The following BRF1 variants were observed in gnomAD, a reference collection of about 807,000 sequenced individuals.
BRF1 encodes the protein BRF1 general transcription factor IIIB subunit, also known as transcription factor IIIB 90 kDa subunit.
Under a neutral mutation model 81.7 loss-of-function variants are expected in BRF1, and 59 were observed. That is an observed-to-expected ratio of 0.72 (90% CI 0.59 to 0.90). The LOEUF is 0.90. Among genes scored for constraint, BRF1 ranks in the 40% least tolerant of loss-of-function variants. BRF1 has a pLI of 0.00. For synonymous variants in BRF1, 491 were observed against 395.6 expected (o/e 1.24, Z -2.86); for missense variants, 1,050 against 936.3 (o/e 1.12, Z -1.58).
upstream of BRF1, chr14:105,301,018 A>C (rs1007841531): frequency 6.7e-6 from 1 of 149,766 alleles, no homozygotes; most frequent in African/African-American, 2.5e-5. Flanking sequence ...GGGCGGGGCC[A>C]CGGCGGTGAG....
chr14:105,293,229 A>T (rs1270457467), intron 1 of BRF1, among the ~76,000 whole-genome samples: 2 of 152,176 alleles, frequency 1.3e-5, no homozygotes, highest in East Asian at 3.9e-4. Flanking sequence ...GGAGCTTCCC[A>T]GCAGGCGAGG....
At chr14:105,256,181 C>T (rs2055855964) in intron 4 of BRF1, 4 of 1,525,366 alleles carry the variant, frequency 2.6e-6, no homozygotes, top group Non-Finnish European at 3.5e-6. Context: ...CTATACCAAA[C>T]TAGGTACTCA....
chr14:105,229,168 T>C (rs887248744), intron 6 of BRF1, among the ~76,000 whole-genome samples: 2 of 152,148 alleles, frequency 1.3e-5, no homozygotes, highest in African/African-American at 2.4e-5. Flanking sequence ...TCCGAGAGCT[T>C]CACGTAATCC....
At chr14:105,228,987 C>A (rs112359070) in intron 6 of BRF1, 74 bp from the exon 7 acceptor site, 19,343 of 1,346,102 alleles carry the variant, frequency 0.014, 157 homozygotes, top group Middle Eastern at 0.02. Flanking sequence ...CCCAGGACAA[C>A]ACTGCGGATC....
intron 7 of BRF1, 60 bp downstream of exon 7, chr14:105,228,760 C>A (rs892186383): frequency 1.9e-6 from 3 of 1,589,958 alleles, no homozygotes; most frequent in Admixed American, 1.7e-5. Context: ...GGCAAGCAGG[C>A]CTGAGCTGGA....
rs988275433 is a variant in BRF1 at position 105,248,943 on chromosome 14, G to C, written c.544+3564C>G. On this transcript the variant is annotated intron_variant, in intron 5 of 17. Coordinates refer to ENST00000547530, the MANE Select transcript of BRF1 (RefSeq NM_001519.4). ...AGCCAACAGCAACGCCGGCGCCGCC[G>C]TGGGCAGGAAGGCCGGGCCGCGCAG... 1.1e-5 allele frequency: 11 copies of C among 984,100 alleles called. No homozygotes were observed. In the African/African-American group the frequency reaches 1.6e-4, roughly 14 times the overall value. 61.0% of individuals were successfully genotyped at this position (984,100 alleles called of 1,614,324 possible).
At chr14:105,211,007 G>A (rs894819386) in intron 17 of BRF1, 115 bp downstream of exon 17, 5 of 1,489,872 alleles carry the variant, frequency 3.4e-6, no homozygotes, top group African/African-American at 2.8e-5. Flanking sequence ...TTTCTTTCCA[G>A]GGAGAAACAG....
intron 5 of BRF1, chr14:105,250,094 G>T: frequency 6.2e-7 from 1 of 1,612,948 alleles, no homozygotes; most frequent in Non-Finnish European, 8.5e-7. Context: ...AGAGGAGTTT[G>T]CCAACGGCGC....
Position 105,210,514 on chromosome 14 carries a change from CCCCCTGCCAGGA to C in BRF1, c.*25_*36del. 6.2e-7 allele frequency: 1 copy of C among 1,607,776 alleles called. No individual in the cohort carries two copies. Among genetic ancestry groups the C allele is most frequent in the Non-Finnish European group, 8.5e-7 (1 of 1,179,304 alleles). On this transcript the variant is annotated 3_prime_UTR_variant, in exon 18 of 18. Transcript: ENST00000547530. The surrounding 1 kb of genome is among the most constrained non-coding windows in gnomAD (Gnocchi z 4.7). The stretch of plus-strand genomic sequence containing the variant: ...TCTGATGCTGAGGAGACCCGCGAGG[CCCCCTGCCAGGA>C]CATCACCTGCCTGGAGGCCACACTT...
chr14:105,311,935 A>G (rs2058360934), intron 1 of BRF1, among the ~76,000 whole-genome samples: 1 of 152,210 alleles, frequency 6.6e-6, no homozygotes, highest in African/African-American at 2.4e-5. Context: ...CTGCCATAGC[A>G]TGGGCTGGGC....
At chr14:105,311,993 GAGA>G (rs1423099979) in intron 1 of BRF1, among the ~76,000 whole-genome samples, 13 of 152,348 alleles carry the variant, frequency 8.5e-5, no homozygotes, top group African/African-American at 2.4e-4. Flanking sequence ...CTCCTGGCAG[GAGA>G]AGGAGTAGGG....
chr14:105,314,644 A>AATCGGC (rs2058473221), intron 1 of BRF1: 1 of 141,940 alleles, frequency 7.0e-6, no homozygotes, highest in South Asian at 2.2e-4. Flanking sequence ...CCGCCCAGCC[A>AATCGGC]ATCGGCGGCG....
At chr14:105,302,876 C>A (rs138387792), upstream of BRF1, among the ~76,000 whole-genome samples, 2,187 of 152,294 alleles carry the variant, frequency 0.014, 28 homozygotes, top group South Asian at 0.055. Context: ...CCACTGCTCC[C>A]CGCCCTGTCC....
upstream of BRF1, among the ~76,000 whole-genome samples, chr14:105,302,779 C>T (rs2058079044): frequency 6.6e-6 from 1 of 151,602 alleles, no homozygotes; most frequent in South Asian, 2.1e-4. Flanking sequence ...GGGTTTTTGC[C>T]TCATTTGCCC....
At chr14:105,253,521 C>A (rs2055720311) in intron 4 of BRF1, among the ~76,000 whole-genome samples, 1 of 152,242 alleles carries the variant, frequency 6.6e-6, no homozygotes, top group South Asian at 2.1e-4. Context: ...CTTGTCCTGG[C>A]CCGCCAGTGG....
intron 2 of BRF1, among the ~76,000 whole-genome samples, chr14:105,279,984 G>T (rs1462667986): frequency 6.6e-6 from 1 of 152,212 alleles, no homozygotes; most frequent in Non-Finnish European, 1.5e-5. Context: ...CTTCCTTGCT[G>T]CTGGGAGCAC....
chr14:105,301,913 G>C (rs945419266), upstream of BRF1, among the ~76,000 whole-genome samples: 1 of 152,216 alleles, frequency 6.6e-6, no homozygotes, highest in South Asian at 2.1e-4. Context: ...AAGGCAGGCG[G>C]ATCACGTAAG....
chr14:105,265,700 A>C (rs911743989), intron 3 of BRF1, among the ~76,000 whole-genome samples: 1 of 152,028 alleles, frequency 6.6e-6, no homozygotes, highest in Non-Finnish European at 1.5e-5. Flanking sequence ...GATTGAGACC[A>C]TCCTGGCTAA....
At chr14:105,262,632 C>T (rs2056211627) in intron 3 of BRF1, among the ~76,000 whole-genome samples, 1 of 152,154 alleles carries the variant, frequency 6.6e-6, no homozygotes, top group African/African-American at 2.4e-5. Flanking sequence ...ACTGAGCCTC[C>T]CACAGAGCTG....
Sources: allele counts gnomAD v4.1 joint callset (sites outside exome capture counted in the v4.1 genomes callset), GRCh38; gene constraint gnomAD v4.1.1; non-coding constraint Gnocchi (gnomAD v3.1); transcripts MANE v1.5; gene names NCBI Gene and HGNC (gene_info 2026-07-23, HGNC 2026-07-21).